Variants in OTUD7A observed in about 807,000 individuals in gnomAD.
The protein encoded by OTUD7A is OTU deubiquitinase 7A, also known as OTU domain-containing protein 7A.
A neutral mutation model predicts 65.7 loss-of-function variants in OTUD7A; 12 were observed. That is an observed-to-expected ratio of 0.18 (90% CI 0.12 to 0.30). The LOEUF (loss-of-function observed/expected upper bound fraction) is 0.30. Among genes scored for constraint, OTUD7A ranks in the 10% least tolerant of loss-of-function variants. The pLI is 1.00. For missense variants in OTUD7A, 1,148 were observed against 1,304.8 expected (o/e 0.88, Z 1.85); for synonymous variants, 641 against 586.3 (o/e 1.09, Z -1.35).
chr15:31,586,574 C>G (rs952896920), intron 3 of OTUD7A, among the ~76,000 whole-genome samples: 19 of 152,096 alleles, frequency 1.2e-4, no homozygotes, highest in African/African-American at 3.9e-4. Flanking sequence ...CCAGTTTTGG[C>G]AATGTTAAGG....
chr15:31,795,006 G>C (rs1895915629), intron 1 of OTUD7A, among the ~76,000 whole-genome samples: 1 of 152,192 alleles, frequency 6.6e-6, no homozygotes, highest in Admixed American at 6.5e-5. Flanking sequence ...TAAGATTACT[G>C]CGGCTATAAA....
At chr15:31,832,662 C>T (rs921945956) in intron 1 of OTUD7A, among the ~76,000 whole-genome samples, 1 of 152,114 alleles carries the variant, frequency 6.6e-6, no homozygotes, top group Non-Finnish European at 1.5e-5. Flanking sequence ...ATGAATTTGA[C>T]GACTCTAGGT....
intron 3 of OTUD7A, among the ~76,000 whole-genome samples, chr15:31,582,873 A>G (rs1239266937): frequency 5.9e-5 from 9 of 152,198 alleles, no homozygotes; most frequent in Admixed American, 5.9e-4. Flanking sequence ...CTTGGTGACC[A>G]ACTGGAGGGA....
chr15:31,589,585 G>A (rs1889658747), intron 3 of OTUD7A, among the ~76,000 whole-genome samples: 1 of 151,102 alleles, frequency 6.6e-6, no homozygotes, highest in East Asian at 2.0e-4. Context: ...TTACAGGTGT[G>A]AGCTACCATG....
intron 2 of OTUD7A, among the ~76,000 whole-genome samples, chr15:31,655,613 G>C (rs1008201324): frequency 6.6e-6 from 1 of 152,128 alleles, no homozygotes; most frequent in African/African-American, 2.4e-5. Flanking sequence ...AAATCTGCTG[G>C]TTCCCTGATC....
chr15:31,556,935 G>C (rs1888515346), intron 5 of OTUD7A: 2 of 49,640 alleles, frequency 4.0e-5, no homozygotes, highest in Non-Finnish European at 7.4e-5. Flanking sequence ...TGCTAATCTA[G>C]CTGAATTGTT....
chr15:31,817,282 C>G (rs1441038580), intron 1 of OTUD7A, among the ~76,000 whole-genome samples: 1 of 149,790 alleles, frequency 6.7e-6, no homozygotes, highest in East Asian at 2.0e-4. Context: ...TTTGCCCCCC[C>G]CCATCACTCA....
intron 8 of OTUD7A, among the ~76,000 whole-genome samples, chr15:31,519,486 A>G (rs2041910107): frequency 6.6e-6 from 1 of 152,254 alleles, no homozygotes; most frequent in South Asian, 2.1e-4. Flanking sequence ...AACTAGGCAT[A>G]GAAAGAACAT....
intron 1 of OTUD7A, among the ~76,000 whole-genome samples, chr15:31,855,846 G>C (rs1412113174): frequency 2.6e-5 from 4 of 152,196 alleles, no homozygotes; most frequent in Non-Finnish European, 5.9e-5. Flanking sequence ...GTATTTCATA[G>C]GTTTCCCCTA....
chr15:31,779,843 C>T (rs1200181757), intron 1 of OTUD7A, among the ~76,000 whole-genome samples: 1 of 152,044 alleles, frequency 6.6e-6, no homozygotes. Flanking sequence ...GATCTGTTGT[C>T]GGTAAGATGG....
intron 1 of OTUD7A, among the ~76,000 whole-genome samples, chr15:31,866,639 A>G (rs1044645286): frequency 6.6e-6 from 1 of 152,172 alleles, no homozygotes; most frequent in Non-Finnish European, 1.5e-5. Flanking sequence ...TCCAAGGTTC[A>G]AGGGTAAAAT....
chr15:31,793,799 T>G (rs866547387), intron 1 of OTUD7A, among the ~76,000 whole-genome samples: 5 of 152,346 alleles, frequency 3.3e-5, no homozygotes, highest in Middle Eastern at 3.4e-3. Flanking sequence ...AATGCCTGAT[T>G]ATACACTTTG....
intron 1 of OTUD7A, among the ~76,000 whole-genome samples, chr15:31,836,255 C>G (rs1897052724): frequency 6.6e-6 from 1 of 152,146 alleles, no homozygotes; most frequent in Admixed American, 6.6e-5. Flanking sequence ...CTCTCTAATG[C>G]AGAATTGTGG....
At chr15:31,553,230 C>T (rs1888382708) in intron 5 of OTUD7A, among the ~76,000 whole-genome samples, 3 of 152,192 alleles carry the variant, frequency 2.0e-5, no homozygotes, top group African/African-American at 7.2e-5. Flanking sequence ...GATTCCCAGG[C>T]CCGCACATTC....
rs548405972 is a variant in OTUD7A at position 31,639,565 on chromosome 15, T to C, written c.151+15531A>G. Reference sequence around the variant, plus strand: ...TTTGCTGGATTGTACACTAGGTACATGTCTAATTTTGAAGAACTTGCTGAA... The same window carrying C: ...TTTGCTGGATTGTACACTAGGTACACGTCTAATTTTGAAGAACTTGCTGAA... On this transcript the variant is annotated intron_variant, in intron 3 of 12. Transcript: ENST00000307050. Among the ~76,000 whole-genome samples, 711 of 150,828 alleles carry C rather than the reference T, an allele frequency of 4.7e-3. 6 individuals are homozygous for C. The highest frequency in any genetic ancestry group is 0.017 in the African/African-American group (683 of 40,498).
chr15:31,844,877 C>A (rs1213415084), intron 1 of OTUD7A, among the ~76,000 whole-genome samples: 1 of 152,216 alleles, frequency 6.6e-6, no homozygotes, highest in African/African-American at 2.4e-5. Context: ...CAGGGCCCTG[C>A]TTACTGCCTC....
intron 1 of OTUD7A, among the ~76,000 whole-genome samples, chr15:31,724,565 T>C (rs1893832276): frequency 6.6e-6 from 1 of 152,196 alleles, no homozygotes; most frequent in Non-Finnish European, 1.5e-5. Flanking sequence ...GAATGGGTGA[T>C]AGAAGCTGGA....
intron 1 of OTUD7A, among the ~76,000 whole-genome samples, chr15:31,749,600 C>T (rs1894574169): frequency 6.6e-6 from 1 of 152,118 alleles, no homozygotes; most frequent in South Asian, 2.1e-4. Context: ...TCAAACATCA[C>T]ACTGAATGGG....
chr15:31,634,400 T>C (rs975244822), intron 3 of OTUD7A, among the ~76,000 whole-genome samples: 1 of 152,124 alleles, frequency 6.6e-6, no homozygotes, highest in African/African-American at 2.4e-5. Context: ...CCACGACGTT[T>C]CTCTACACAC....
Sources: allele counts gnomAD v4.1 joint callset (sites outside exome capture counted in the v4.1 genomes callset), GRCh38; gene constraint gnomAD v4.1.1; transcripts MANE v1.5; gene names NCBI Gene and HGNC (gene_info 2026-07-23, HGNC 2026-07-21).